The following ST8SIA1 variants were observed in gnomAD, a reference collection of about 807,000 sequenced individuals.
The protein encoded by ST8SIA1 is ST8 alpha-N-acetyl-neuraminide alpha-2,8-sialyltransferase 1.
In ST8SIA1, 16 loss-of-function variants were observed where a neutral mutation model predicts 35.9. The ratio of observed to expected loss-of-function variants is 0.45; its 90% CI spans 0.30 to 0.68. The LOEUF (loss-of-function observed/expected upper bound fraction) is 0.68. ST8SIA1 is among the 30% of genes least tolerant of loss of function. ST8SIA1 has a pLI of 0.09. For synonymous variants in ST8SIA1, 170 were observed against 169.6 expected (o/e 1.00, Z -0.02); for missense variants, 383 against 453.6 (o/e 0.84, Z 1.41).
chr12:22,306,817 G>A (rs1029198844), intron 1 of ST8SIA1, among the ~76,000 whole-genome samples: 2 of 151,848 alleles, frequency 1.3e-5, no homozygotes, highest in Admixed American at 6.6e-5. Context: ...TCTCTCCCTG[G>A]AACTCCTATT....
intron 4 of ST8SIA1, among the ~76,000 whole-genome samples, chr12:22,245,768 C>T (rs1292220654): frequency 2.0e-5 from 3 of 152,102 alleles, no homozygotes; most frequent in Non-Finnish European, 4.4e-5. Context: ...GGACTTCAGC[C>T]CCACTCCCTG....
chr12:22,331,228 G>A (rs1392761233), intron 1 of ST8SIA1, among the ~76,000 whole-genome samples: 2 of 152,182 alleles, frequency 1.3e-5, no homozygotes, highest in Non-Finnish European at 2.9e-5. Context: ...TTAACCGTAT[G>A]TTAAGTCATC....
In ST8SIA1 at chr12:22,198,470, C is replaced by T. The variant is rs745902312; in HGVS notation, c.*3082G>A. 3.3e-5 allele frequency: 5 copies of T among 150,020 alleles called. No individual in the cohort carries two copies. The highest frequency in any genetic ancestry group is 7.4e-5 in the Non-Finnish European group (5 of 67,614). The allele number at this position is 150,020 out of a possible 1,614,324, so 9.3% of individuals were successfully genotyped here. On this transcript the variant is annotated 3_prime_UTR_variant, in exon 5 of 5. Transcript: ENST00000396037. The stretch of plus-strand genomic sequence containing the variant: ...TCTACAGGATGATTCTAGCGAGGTC[C>T]TTACTTAGGAACACATAGCACAGTT...
At chr12:22,316,492 T>C (rs1329985481) in intron 1 of ST8SIA1, among the ~76,000 whole-genome samples, 5 of 152,148 alleles carry the variant, frequency 3.3e-5, no homozygotes, top group Non-Finnish European at 7.4e-5. Flanking sequence ...AAATCACAGA[T>C]AGATCTCAAA....
chr12:22,300,496 T>A (rs1866305590), intron 1 of ST8SIA1, among the ~76,000 whole-genome samples: 1 of 152,206 alleles, frequency 6.6e-6, no homozygotes, highest in African/African-American at 2.4e-5. Flanking sequence ...ACTGACTCTT[T>A]AATAAAACTT....
At chr12:22,202,934 T>A (rs1236974150) in intron 4 of ST8SIA1, among the ~76,000 whole-genome samples, 1 of 152,124 alleles carries the variant, frequency 6.6e-6, no homozygotes, top group Non-Finnish European at 1.5e-5. Flanking sequence ...CCCTAGAATG[T>A]AGGAGGTGCT....
chr12:22,247,263 A>G (rs1565576878), intron 4 of ST8SIA1, among the ~76,000 whole-genome samples: 2 of 152,128 alleles, frequency 1.3e-5, no homozygotes, highest in African/African-American at 4.8e-5. Flanking sequence ...CCTCAATACA[A>G]TATTGAATGT....
At chr12:22,228,925 G>A (rs1014752257) in intron 4 of ST8SIA1, among the ~76,000 whole-genome samples, 21 of 151,894 alleles carry the variant, frequency 1.4e-4, no homozygotes, top group African/African-American at 4.6e-4. Flanking sequence ...ATGGTGGTGG[G>A]CATTTGTAAT....
chr12:22,331,749 T>C (rs1283856421), intron 1 of ST8SIA1, among the ~76,000 whole-genome samples: 2 of 152,220 alleles, frequency 1.3e-5, no homozygotes, highest in Non-Finnish European at 2.9e-5. Flanking sequence ...CTTGTCCCTG[T>C]TCATTAGCGT....
At chr12:22,310,317 C>T (rs922371542) in intron 1 of ST8SIA1, among the ~76,000 whole-genome samples, 1 of 152,162 alleles carries the variant, frequency 6.6e-6, no homozygotes, top group African/African-American at 2.4e-5. Flanking sequence ...AGATCTGTTT[C>T]TTTCAAGGCA....
intron 1 of ST8SIA1, among the ~76,000 whole-genome samples, chr12:22,327,907 A>C (rs1351466215): frequency 6.6e-6 from 1 of 152,078 alleles, no homozygotes; most frequent in African/African-American, 2.4e-5. Context: ...TTAGTTCTTA[A>C]TTACGCATAC....
At chr12:22,319,608 G>A (rs1866558719) in intron 1 of ST8SIA1, among the ~76,000 whole-genome samples, 1 of 152,198 alleles carries the variant, frequency 6.6e-6, no homozygotes, top group Non-Finnish European at 1.5e-5. Flanking sequence ...TGGACATATG[G>A]CCCTCAGCAG....
At chr12:22,210,352 T>C (rs10841979) in intron 4 of ST8SIA1, among the ~76,000 whole-genome samples, 101,697 of 151,980 alleles carry the variant, frequency 0.67, 34,397 homozygotes, top group South Asian at 0.85. Context: ...ATGGAGGTAG[T>C]GGTAAGGGTC....
At chr12:22,306,976 G>A (rs918099) in intron 1 of ST8SIA1, among the ~76,000 whole-genome samples, 50,141 of 151,908 alleles carry the variant, frequency 0.33, 9,398 homozygotes, top group African/African-American at 0.52. Context: ...TGGCTTCAAA[G>A]GGTTCTATTT....
rs1866318482 is a variant in ST8SIA1, at chr12:22,301,492, G to A, written c.237-14199C>T. On this transcript the variant is annotated intron_variant, in intron 1 of 4. Transcript: ENST00000396037. Reference sequence around the variant, plus strand: ...TATACTCCTATAAATAAAATTTGGAGCATATTTATTTCTCTCCACCTGATT... The same window carrying A: ...TATACTCCTATAAATAAAATTTGGAACATATTTATTTCTCTCCACCTGATT... 3.3e-5 allele frequency among the ~76,000 whole-genome samples: 5 copies of A among 152,146 alleles called. No individual in the cohort carries two copies. The South Asian group carries it at 1.0e-3, about 32-fold the overall frequency.
chr12:22,240,591 A>C (rs1468181351), intron 4 of ST8SIA1, among the ~76,000 whole-genome samples: 3 of 152,186 alleles, frequency 2.0e-5, no homozygotes, highest in Non-Finnish European at 4.4e-5. Flanking sequence ...ACAGTTTGAA[A>C]CATGCATGTA....
At chr12:22,310,522 T>C (rs982970387) in intron 1 of ST8SIA1, among the ~76,000 whole-genome samples, 5 of 152,176 alleles carry the variant, frequency 3.3e-5, no homozygotes, top group African/African-American at 1.2e-4. Context: ...AGAGACCATA[T>C]GTCCCCAAAT....
At chr12:22,217,075 C>T (rs998636819) in intron 4 of ST8SIA1, among the ~76,000 whole-genome samples, 4 of 152,090 alleles carry the variant, frequency 2.6e-5, no homozygotes, top group African/African-American at 4.8e-5. Context: ...TGGTAATTTC[C>T]GAGAAACATC....
chr12:22,229,139 CAG>C (rs1019221636), intron 4 of ST8SIA1, among the ~76,000 whole-genome samples: 1 of 144,476 alleles, frequency 6.9e-6, no homozygotes, highest in African/African-American at 2.6e-5. Context: ...TGTAAAAAAA[CAG>C]GGGAGGGGTG....
Sources: allele counts gnomAD v4.1 joint callset (sites outside exome capture counted in the v4.1 genomes callset), GRCh38; gene constraint gnomAD v4.1.1; transcripts MANE v1.5; gene names NCBI Gene and HGNC (gene_info 2026-07-23, HGNC 2026-07-21).